RASA3: variants seen among roughly 807,000 people sequenced by gnomAD.
The protein encoded by RASA3 is ras GTPase-activating protein 3.
RASA3 carries 73 observed loss-of-function variants against 110.0 expected under a neutral mutation model. The observed-to-expected ratio is 0.66, with a 90% CI of 0.55 to 0.81. The LOEUF (loss-of-function observed/expected upper bound fraction) is 0.81, where lower values mean the gene tolerates loss of function less well. Among genes scored for constraint, RASA3 ranks in the 30% least tolerant of loss-of-function variants. The pLI, the probability that RASA3 is intolerant of heterozygous loss-of-function variation, is 0.00. For synonymous variants in RASA3, 500 were observed against 451.4 expected, an observed-to-expected ratio of 1.11 and a Z score of -1.37; for missense variants, 976 against 1,113.2, an observed-to-expected ratio of 0.88 and a Z score of 1.75.
At chr13:114,022,155 C>T (rs1023749067) in intron 8 of RASA3, among the ~76,000 whole-genome samples, 12 of 152,218 alleles carry the variant, frequency 7.9e-5, no homozygotes, top group Non-Finnish European at 1.8e-4. Flanking sequence ...CCACAAACCA[C>T]AGCACGGTCC....
chr13:114,024,111 C>T (rs2053982759), intron 8 of RASA3, among the ~76,000 whole-genome samples, 168 bp downstream of exon 8: 1 of 152,258 alleles, frequency 6.6e-6, no homozygotes, highest in African/African-American at 2.4e-5. Context: ...TAACACCACC[C>T]ACAGGCTGTC....
chr13:114,081,282 T>C (rs2079784884), intron 1 of RASA3, among the ~76,000 whole-genome samples: 2 of 151,946 alleles, frequency 1.3e-5, no homozygotes, highest in African/African-American at 4.8e-5. Flanking sequence ...CCTAAACGTC[T>C]AGGAGGAGAC....
rs566678982 is a variant in RASA3, at chr13:114,097,992, C to T, written c.56-24155G>A. Among the ~76,000 whole-genome samples, 251 of 152,256 alleles carry T rather than the reference C, an allele frequency of 1.6e-3. 1 individual carries two copies. Among genetic ancestry groups the T allele is most frequent in the Middle Eastern group, 6.8e-3 (2 of 294 alleles). ...GGATACCCCTGGGAACAAAGCGGGC[C>T]CAGATGGAGACCTCAGACAAAGGCA... On this transcript the variant is annotated intron_variant, in intron 1 of 23. Transcript: ENST00000334062.
chr13:114,019,187 C>T (rs2053861962), intron 9 of RASA3, among the ~76,000 whole-genome samples: 1 of 152,182 alleles, frequency 6.6e-6, no homozygotes. Flanking sequence ...GTGGCAGGAA[C>T]GGGTTTCCGG....
At chr13:114,023,301 G>GCATCCCAGGCTCAGGGAA (rs2053965147) in intron 8 of RASA3, among the ~76,000 whole-genome samples, 2 of 151,688 alleles carry the variant, frequency 1.3e-5, no homozygotes, top group African/African-American at 2.4e-5. Flanking sequence ...AGGCTTGGGG[G>GCATCCCAGGCTCAGGGAA]CATCCCAGGC....
intron 18 of RASA3, 37 bp from the exon 19 acceptor site, chr13:114,000,969 C>T: frequency 7.1e-7 from 1 of 1,410,076 alleles, no homozygotes; most frequent in South Asian, 1.1e-5. Flanking sequence ...GTCCGGGCCT[C>T]AGCTGCCTCC....
chr13:114,046,470 T>C (rs530889533), intron 3 of RASA3, among the ~76,000 whole-genome samples: 3 of 152,364 alleles, frequency 2.0e-5, no homozygotes, highest in Admixed American at 6.5e-5. Flanking sequence ...CTCCGGGCAC[T>C]GCTGCAGTCT....
rs1217159765 is a variant in RASA3, at chr13:114,112,910, G to T, written c.55+19525C>A. ...TGAGAGGCCAGCAGGGGGCTGGGAA[G>T]GTGCTTAGCTCAGGGAGGGCTGGAG... On this transcript the variant is annotated intron_variant, in intron 1 of 23. Transcript: ENST00000334062. The surrounding 1 kb of genome is among the most constrained non-coding windows in gnomAD (Gnocchi z 4.8). 6.6e-6 allele frequency among the ~76,000 whole-genome samples: 1 copy of T among 152,180 alleles called. No individual in the cohort carries two copies. The highest frequency in any genetic ancestry group is 1.5e-5 in the Non-Finnish European group (1 of 68,034).
intron 13 of RASA3, among the ~76,000 whole-genome samples, chr13:114,015,807 G>A (rs563163623): frequency 1.1e-4 from 16 of 152,242 alleles, no homozygotes; most frequent in South Asian, 6.2e-4. Context: ...AAAAGGGAGG[G>A]GCAGGAGCCA....
chr13:114,016,577 C>T (rs1351804165), intron 12 of RASA3, among the ~76,000 whole-genome samples: 4 of 152,288 alleles, frequency 2.6e-5, no homozygotes, highest in East Asian at 1.9e-4. Flanking sequence ...AGTCCATGGC[C>T]GCGATCAGAC....
chr13:114,027,325 A>G (rs537659476), intron 7 of RASA3, 64 bp downstream of exon 7: 2 of 1,333,876 alleles, frequency 1.5e-6, no homozygotes, highest in Non-Finnish European at 2.1e-6. Flanking sequence ...CTGGATCCAG[A>G]CTTTCTGCCA....
intron 18 of RASA3, among the ~76,000 whole-genome samples, chr13:114,003,306 G>A (rs1167757265): frequency 2.6e-5 from 4 of 152,084 alleles, no homozygotes; most frequent in Non-Finnish European, 4.4e-5. Context: ...CCTGGGAGGC[G>A]CCTGTCCTTG....
At chr13:114,103,583 AGCCACG>A (rs2080088251) in intron 1 of RASA3, among the ~76,000 whole-genome samples, 1 of 9,922 alleles carries the variant, frequency 1.0e-4, no homozygotes, top group Non-Finnish European at 2.1e-4. Flanking sequence ...ATGCTGCCAC[AGCCACG>A]GACACCCACC....
chr13:114,093,696 T>C (rs1187383584), intron 1 of RASA3, among the ~76,000 whole-genome samples: 1 of 152,222 alleles, frequency 6.6e-6, no homozygotes, highest in African/African-American at 2.4e-5. Flanking sequence ...GAATATTTGT[T>C]CTTTTGATGT....
chr13:114,062,557 C>T (rs1054052398), intron 2 of RASA3, among the ~76,000 whole-genome samples: 6 of 133,048 alleles, frequency 4.5e-5, no homozygotes, highest in African/African-American at 1.2e-4. Context: ...AGCCCACGTC[C>T]GCACGCAGAC....
chr13:114,050,102 A>G (rs2079119685), intron 3 of RASA3, among the ~76,000 whole-genome samples: 1 of 152,206 alleles, frequency 6.6e-6, no homozygotes, highest in Non-Finnish European at 1.5e-5. Flanking sequence ...TCAGAGGGAG[A>G]GAGGAAGAGG....
intron 1 of RASA3, among the ~76,000 whole-genome samples, chr13:114,131,113 G>T (rs1230639282): frequency 2.0e-5 from 3 of 152,174 alleles, no homozygotes; most frequent in Non-Finnish European, 4.4e-5. Flanking sequence ...AGCGCTTCTG[G>T]GCCAAATATC....
chr13:114,028,306 A>G (rs9562104), intron 5 of RASA3, among the ~76,000 whole-genome samples: 436 of 31,278 alleles, frequency 0.014, no homozygotes, highest in African/African-American at 0.025. Context: ...GTCATCTGGG[A>G]GCCAGGATCT....
At chr13:114,031,046 T>C (rs560213898) in intron 4 of RASA3, among the ~76,000 whole-genome samples, 7 of 152,112 alleles carry the variant, frequency 4.6e-5, no homozygotes, top group Non-Finnish European at 1.0e-4. Context: ...CATCTGTGTG[T>C]GGCTGTGTCC....
Sources: allele counts gnomAD v4.1 joint callset (sites outside exome capture counted in the v4.1 genomes callset), GRCh38; gene constraint gnomAD v4.1.1; non-coding constraint Gnocchi (gnomAD v3.1); transcripts MANE v1.5; gene names NCBI Gene and HGNC (gene_info 2026-07-23, HGNC 2026-07-21).